The following ZRANB3 variants were observed in gnomAD, a reference collection of about 807,000 sequenced individuals.
ZRANB3 encodes the protein zinc finger RANBP2-type containing 3.
Under a neutral mutation model 133.8 loss-of-function variants are expected in ZRANB3, and 125 were observed. The ratio of observed to expected loss-of-function variants is 0.93; its 90% confidence interval spans 0.81 to 1.08. The LOEUF (loss-of-function observed/expected upper bound fraction) is 1.08, where lower values mean the gene tolerates loss of function less well. ZRANB3 is among the 50% of genes least tolerant of loss of function. The pLI is 0.00. For synonymous variants in ZRANB3, 387 were observed against 432.7 expected (o/e 0.89, Z 1.31); for missense variants, 1,229 against 1,275.5 (o/e 0.96, Z 0.56).
intron 2 of ZRANB3, among the ~76,000 whole-genome samples, chr2:135,472,365 C>T (rs1446973358): frequency 1.3e-5 from 2 of 151,886 alleles, no homozygotes; most frequent in East Asian, 1.9e-4. Flanking sequence ...CTGGGCATGG[C>T]GGCATGTGCC....
In ZRANB3 at chr2:135,323,863, G is replaced by A. The variant is rs377629756; in HGVS notation, c.678-8333C>T. Among the ~76,000 whole-genome samples, 8 of 151,896 alleles carry A rather than the reference G, an allele frequency of 5.3e-5. No individual in the cohort carries two copies. In the East Asian group the frequency reaches 1.2e-3, roughly 22 times the overall value. On this transcript the variant is annotated intron_variant, in intron 6 of 20. Coordinates refer to ENST00000264159, the MANE Select transcript of ZRANB3 (RefSeq NM_032143.4). ...GCTCACTGCAACCTCTGCCTCCTGG[G>A]TCCAAGTGATTCTCCTGTCACAGCC...
At chr2:135,263,748 T>C (rs1358451469) in intron 12 of ZRANB3, among the ~76,000 whole-genome samples, 1 of 151,812 alleles carries the variant, frequency 6.6e-6, no homozygotes, top group Non-Finnish European at 1.5e-5. Context: ...ACACATTAAA[T>C]AATAATAATT....
chr2:135,275,752 C>A lies in ZRANB3; in HGVS notation c.970G>T (p.Gly324Cys). 1 of 1,561,058 alleles carries A rather than the reference C, an allele frequency of 6.4e-7. No homozygotes were observed. The highest frequency in any genetic ancestry group is 1.9e-5 in the Admixed American group (1 of 52,586). ...MFKQTAIAKA[G>C]AVKDYIKMML... is the part of the protein sequence containing the mutation. ...ATCTTAATATAATCCTTTACAGCAC[C>A]TGCCTAAATATTAAAAGGTAAACCT... Residue 324 changes from glycine to cysteine, a missense_variant, in exon 9 of 21, where the codon GGT becomes TGT. Transcript: ENST00000264159.
At chr2:135,395,629 T>A (rs1687456082) in intron 2 of ZRANB3, among the ~76,000 whole-genome samples, 1 of 152,028 alleles carries the variant, frequency 6.6e-6, no homozygotes, top group Non-Finnish European at 1.5e-5. Flanking sequence ...GGCTAATTTT[T>A]GTATTTCTAG....
At chr2:135,253,726 C>T (rs1403984376) in intron 12 of ZRANB3, among the ~76,000 whole-genome samples, 2 of 152,212 alleles carry the variant, frequency 1.3e-5, no homozygotes, top group Non-Finnish European at 2.9e-5. Flanking sequence ...GCTACAACCT[C>T]ACCAGGTGAT....
chr2:135,271,754 T>G lies in ZRANB3; in HGVS notation c.1206+14A>C, dbSNP rs1016895427. ...TGACATTTCATAACCAAATTTAGAC[T>G]TGAAATTTCTTACCTGGCCAGCAGC... On this transcript the variant is annotated intron_variant, in intron 10 of 20. Coordinates refer to ENST00000264159, the MANE Select transcript of ZRANB3 (RefSeq NM_032143.4). The G allele has an allele frequency of 1.2e-6, 2 of 1,602,018 alleles. No homozygotes were observed. The highest frequency in any genetic ancestry group is 3.5e-5 in the Admixed American group (2 of 57,108).
At chr2:135,484,302 G>A (rs561800493) in intron 2 of ZRANB3, among the ~76,000 whole-genome samples, 23 of 152,046 alleles carry the variant, frequency 1.5e-4, no homozygotes, top group Admixed American at 5.9e-4. Context: ...TAATGAAAAA[G>A]GTAAAAAAGA....
intron 3 of ZRANB3, among the ~76,000 whole-genome samples, chr2:135,372,783 T>C (rs1005107562): frequency 8.3e-6 from 1 of 120,066 alleles, no homozygotes; most frequent in Non-Finnish European, 1.6e-5. Flanking sequence ...CGAGACTCCA[T>C]CTCAAAAAAA....
chr2:135,265,428 T>C lies in ZRANB3; in HGVS notation c.1539+106A>G. ...GTTTCCAGCTTTATGTGAAGTCTCC[T>C]TTCAACACCATAAATAATTGAGAGT... On this transcript the variant is annotated intron_variant, in intron 12 of 20. Coordinates refer to ENST00000264159, the MANE Select transcript of ZRANB3 (RefSeq NM_032143.4). 4 of 1,275,470 alleles carry C rather than the reference T, an allele frequency of 3.1e-6. No homozygotes were observed. The East Asian group carries it at 1.0e-4, about 33-fold the overall frequency. 79.0% of individuals were successfully genotyped at this position (1,275,470 alleles called of 1,614,324 possible).
chr2:135,329,600 T>G (rs898441925), intron 6 of ZRANB3, among the ~76,000 whole-genome samples: 2 of 152,228 alleles, frequency 1.3e-5, no homozygotes, highest in Admixed American at 6.5e-5. Flanking sequence ...GTGAAGAAAG[T>G]CATTGGTAGC....
At chr2:135,217,437 A>G (rs186547169) in intron 17 of ZRANB3, 28 bp downstream of exon 17, 75 of 1,568,792 alleles carry the variant, frequency 4.8e-5, no homozygotes, top group Non-Finnish European at 6.0e-5. Context: ...GTAATATAAT[A>G]CAAAATTTAA....
chr2:135,408,905 A>T (rs1441275793), intron 2 of ZRANB3, among the ~76,000 whole-genome samples: 3 of 152,178 alleles, frequency 2.0e-5, no homozygotes, highest in African/African-American at 7.2e-5. Flanking sequence ...CAGCACGCCA[A>T]CATGGCACAT....
intron 2 of ZRANB3, among the ~76,000 whole-genome samples, chr2:135,416,772 T>C (rs1448249680): frequency 6.6e-6 from 1 of 152,130 alleles, no homozygotes; most frequent in Non-Finnish European, 1.5e-5. Flanking sequence ...TATAGATCAA[T>C]GGAAGAGAAC....
chr2:135,467,813 C>T (rs745599716), intron 2 of ZRANB3, among the ~76,000 whole-genome samples: 37 of 152,298 alleles, frequency 2.4e-4, no homozygotes, highest in Admixed American at 8.5e-4. Context: ...ACCCTCTGAG[C>T]TTTTTTCAAG....
chr2:135,429,537 T>C (rs1358827705), intron 2 of ZRANB3, among the ~76,000 whole-genome samples: 1 of 152,048 alleles, frequency 6.6e-6, no homozygotes, highest in African/African-American at 2.4e-5. Context: ...AAAAAATAAC[T>C]TGCAACATCA....
At chr2:135,275,513 G>T in intron 9 of ZRANB3, 123 bp downstream of exon 9, 1 of 679,942 alleles carries the variant, frequency 1.5e-6, no homozygotes, top group Non-Finnish European at 2.1e-6. Flanking sequence ...AAAAATGTGT[G>T]ATAATTTATA....
chr2:135,524,379 T>A (rs113224337), intron 1 of ZRANB3, among the ~76,000 whole-genome samples: 118 of 152,200 alleles, frequency 7.8e-4, no homozygotes, highest in African/African-American at 2.6e-3. Flanking sequence ...ACCGCGACCA[T>A]CCTGTAGAAT....
At chr2:135,251,092 A>G (rs538738570) in intron 12 of ZRANB3, among the ~76,000 whole-genome samples, 1 of 152,360 alleles carries the variant, frequency 6.6e-6, no homozygotes, top group African/African-American at 2.4e-5. Flanking sequence ...TACCTTTTGC[A>G]TCAGTGTTAC....
chr2:135,283,348 C>A (rs561493990), intron 8 of ZRANB3, among the ~76,000 whole-genome samples: 1 of 150,790 alleles, frequency 6.6e-6, no homozygotes, highest in Non-Finnish European at 1.5e-5. Context: ...CGGTGGCTCA[C>A]GCCTGTAATC....
Sources: allele counts gnomAD v4.1 joint callset (sites outside exome capture counted in the v4.1 genomes callset), GRCh38; gene constraint gnomAD v4.1.1; transcripts MANE v1.5; gene names NCBI Gene and HGNC (gene_info 2026-07-23, HGNC 2026-07-21).